The following ZDHHC23 variants were observed in gnomAD, a reference collection of about 807,000 sequenced individuals.
The protein encoded by ZDHHC23 is zDHHC palmitoyltransferase 23.
In ZDHHC23, 41 loss-of-function variants were observed where a neutral mutation model predicts 40.2. The observed-to-expected ratio is 1.02, with a 90% CI of 0.79 to 1.32. The LOEUF is 1.32. ZDHHC23 is among the 40% of genes most tolerant of loss of function. The pLI, the probability that ZDHHC23 is intolerant of heterozygous loss-of-function variation, is 0.00. For missense variants in ZDHHC23, 471 were observed against 541.5 expected (o/e 0.87, Z 1.29); for synonymous variants, 204 against 210.2 (o/e 0.97, Z 0.26).
chr3:113,952,692 A>T (rs1210942450), intron 2 of ZDHHC23, among the ~76,000 whole-genome samples: 1 of 152,208 alleles, frequency 6.6e-6, no homozygotes. Flanking sequence ...GTAATTTATA[A>T]ACAACAGATA....
In ZDHHC23 at chr3:113,954,189, G is replaced by A. The variant is rs762480052; in HGVS notation, c.651G>A (p.Gly217=). The A allele has an allele frequency of 1.2e-6, 2 of 1,614,088 alleles. No individual in the cohort carries two copies. Among genetic ancestry groups the A allele is most frequent in the African/African-American group, 2.7e-5 (2 of 74,924 alleles). Residue 217 remains glycine (G), a synonymous_variant, in exon 3 of 5, where the codon GGG becomes GGA. Coordinates refer to ENST00000638807, the MANE Select transcript of ZDHHC23 (RefSeq NM_001320466.2). The stretch of plus-strand genomic sequence containing the variant: ...AGCTGGAGTGCCTGAGCAGAAAAGG[G>A]CAGGAGAAGACCAAAGGGTTCCCTG... ...SSQLECLSRK[G]QEKTKGFPGA... is the part of the protein sequence containing the mutation.
chr3:113,970,283 C>T (rs76354553), downstream of ZDHHC23, among the ~76,000 whole-genome samples: 1,694 of 152,180 alleles, frequency 0.011, 37 homozygotes, highest in African/African-American at 0.038. Flanking sequence ...AGTATAAGAG[C>T]ATGTCATCCG....
chr3:113,952,891 C>G (rs551170189), intron 2 of ZDHHC23, among the ~76,000 whole-genome samples: 1 of 152,314 alleles, frequency 6.6e-6, no homozygotes, highest in South Asian at 2.1e-4. Context: ...GGGCTCTGCT[C>G]TCATGACCTA....
Position 113,954,349 on chromosome 3 carries a change from C to T in ZDHHC23, c.811C>T (p.Arg271Trp), listed in dbSNP as rs1247150090. 5 of 1,613,098 alleles carry T rather than the reference C, an allele frequency of 3.1e-6. No individual in the cohort carries two copies. The highest frequency in any genetic ancestry group is 2.5e-6 in the Non-Finnish European group (3 of 1,179,498). Residue 271 changes from arginine (R) to tryptophan (W), a missense_variant, in exon 3 of 5, where the codon CGG (arginine) becomes TGG (tryptophan). By Grantham distance (101) the Arg-to-Trp change is moderately radical. Coordinates refer to ENST00000638807, the MANE Select transcript of ZDHHC23 (RefSeq NM_001320466.2). ...CAKCQLVRPA[R>W]AWHCRICGIC... ...CAAGTGCCAGCTGGTGCGACCAGCCCGGGCATGGCACTGCCGGATATGTGG... is the reference window on the plus strand; with the variant it reads ...CAAGTGCCAGCTGGTGCGACCAGCCTGGGCATGGCACTGCCGGATATGTGG...
chr3:113,955,865 T>A (rs746698427), intron 3 of ZDHHC23, among the ~76,000 whole-genome samples: 1 of 152,232 alleles, frequency 6.6e-6, no homozygotes, highest in Non-Finnish European at 1.5e-5. Flanking sequence ...TAAGACTGCA[T>A]TCCTCAGGGT....
the ZDHHC23 span, among the ~76,000 whole-genome samples, chr3:113,976,591 G>T: frequency 6.6e-6 from 1 of 151,398 alleles, no homozygotes; most frequent in Non-Finnish European, 1.5e-5. Flanking sequence ...GAAAACATAG[G>T]CAGGCAAAAA....
At chr3:113,979,405 T>A in the ZDHHC23 span, among the ~76,000 whole-genome samples, 1 of 152,218 alleles carries the variant, frequency 6.6e-6, no homozygotes, top group African/African-American at 2.4e-5. Context: ...ACTGTCTAAT[T>A]GAGGAAATGC....
the ZDHHC23 span, chr3:113,978,288 T>C: frequency 6.2e-6 from 10 of 1,613,960 alleles, no homozygotes; most frequent in South Asian, 6.6e-5. Flanking sequence ...TTGAAGAAAA[T>C]GTACACAAAA....
chr3:113,964,051 C>G (rs994870896), downstream of ZDHHC23: 9 of 152,106 alleles, frequency 5.9e-5, no homozygotes, highest in African/African-American at 2.2e-4. Context: ...TATCACACAT[C>G]CTCCGTGATA....
At chr3:113,975,570 G>T in the ZDHHC23 span, among the ~76,000 whole-genome samples, 8 of 152,278 alleles carry the variant, frequency 5.3e-5, no homozygotes, top group Middle Eastern at 3.4e-3. Context: ...GCAAGATGTG[G>T]TGCTTCCACT....
rs755392408 is a variant in ZDHHC23, at chr3:113,960,778, T to C, written c.*2148T>C. On this transcript the variant is annotated 3_prime_UTR_variant, in exon 5 of 5. Transcript: ENST00000638807. ...CATGGATAGGAAGGGACTCTGTGTA[T>C]TATTCAGGTTTATTGGCACGAAGAT... is the stretch of plus-strand genomic sequence containing the variant. The C allele has an allele frequency of 6.6e-7, 1 of 1,522,018 alleles. No homozygotes were observed. Among genetic ancestry groups the C allele is most frequent in the Non-Finnish European group, 8.7e-7 (1 of 1,144,532 alleles). 94.3% of individuals were successfully genotyped at this position (1,522,018 alleles called of 1,614,324 possible). A position where few individuals can be genotyped will look rare whatever the true frequency, so the allele number is the denominator to read the frequency against.
At position 113,954,422 on chromosome 3, in the gene ZDHHC23, A is replaced by G. The variant is rs942699035; in HGVS notation, c.872+12A>G. 1 of 1,547,534 alleles carries G rather than the reference A, an allele frequency of 6.5e-7. No individual in the cohort carries two copies. ...CATCATTGTGTCTGGTATGTTGGAAACATTTGGAGACTTGGAAAGTGTAAA... is the reference window on the plus strand; with the variant it reads ...CATCATTGTGTCTGGTATGTTGGAAGCATTTGGAGACTTGGAAAGTGTAAA... On this transcript the variant is annotated intron_variant, in intron 3 of 4. Transcript: ENST00000638807.
the ZDHHC23 span, chr3:113,978,754 C>G: frequency 7.9e-7 from 1 of 1,273,832 alleles, no homozygotes; most frequent in Non-Finnish European, 1.1e-6. Context: ...CTCTTTTGTT[C>G]TTGAAAAAAC....
At chr3:113,951,701 A>T (rs1486065354) in intron 2 of ZDHHC23, among the ~76,000 whole-genome samples, 6 of 152,178 alleles carry the variant, frequency 3.9e-5, no homozygotes, top group Non-Finnish European at 7.4e-5. Flanking sequence ...GATGACTGGC[A>T]CGGGGCTAAT....
chr3:113,955,517 G>A (rs1246706800), intron 3 of ZDHHC23, among the ~76,000 whole-genome samples: 3 of 152,026 alleles, frequency 2.0e-5, no homozygotes, highest in Non-Finnish European at 4.4e-5. Flanking sequence ...CCCCACAAAT[G>A]GCCATGACAC....
the ZDHHC23 span, among the ~76,000 whole-genome samples, chr3:113,979,348 C>T: frequency 1.3e-5 from 2 of 152,188 alleles, no homozygotes; most frequent in Non-Finnish European, 1.5e-5. Flanking sequence ...TCTCCTGGAG[C>T]TTGGACAGCA....
chr3:113,963,038 A>T lies in ZDHHC23; in HGVS notation c.*4408A>T, dbSNP rs539792451. ...GTCTTCTGATTTCTGAAAACCCTGCATTATACCTGTGCTGCCTCTGTGGCT... is the reference window on the plus strand; with the variant it reads ...GTCTTCTGATTTCTGAAAACCCTGCTTTATACCTGTGCTGCCTCTGTGGCT... On this transcript the variant is annotated 3_prime_UTR_variant, in exon 5 of 5. Transcript: ENST00000638807. The T allele has an allele frequency of 1.3e-5, 2 of 152,134 alleles. No homozygotes were observed. Among genetic ancestry groups the T allele is most frequent in the Admixed American group, 1.3e-4 (2 of 15,278 alleles). The allele number at this position is 152,134 out of a possible 1,614,324, so 9.4% of individuals were successfully genotyped here. A position where few individuals can be genotyped will look rare whatever the true frequency, so the allele number is the denominator to read the frequency against.
rs1441765661 is a variant in ZDHHC23, at chr3:113,956,524, C to G, written c.1040+18C>G. ...AATTACAGGTGAGCAGTGGGTACCA[C>G]AGTATGGAGGCCCCCTGGGAAGTAA... On this transcript the variant is annotated intron_variant, in intron 4 of 4. Coordinates refer to ENST00000638807, the MANE Select transcript of ZDHHC23 (RefSeq NM_001320466.2). 2 of 1,601,600 alleles carry G rather than the reference C, an allele frequency of 1.2e-6. No individual in the cohort carries two copies. Among genetic ancestry groups the G allele is most frequent in the Non-Finnish European group, 1.7e-6 (2 of 1,174,898 alleles).
At chr3:113,947,973 G>A (rs1938241134), upstream of ZDHHC23, 1 of 147,672 alleles carries the variant, frequency 6.8e-6, no homozygotes, top group African/African-American at 2.5e-5. Context: ...GACGGCGCGG[G>A]GAGGCGGGCG....
Sources: gnomAD v4.1 joint callset for allele counts (sites outside exome capture counted in the v4.1 genomes callset) on GRCh38, gnomAD v4.1.1 for gene constraint, MANE v1.5 for transcripts, NCBI Gene and HGNC (gene_info 2026-07-23, HGNC 2026-07-21) for gene names.